SLC24A2: variants seen among roughly 807,000 people sequenced by gnomAD.
SLC24A2 encodes sodium/potassium/calcium exchanger 2.
In SLC24A2, 36 loss-of-function variants were observed where a neutral mutation model predicts 62.0. The ratio of observed to expected loss-of-function variants is 0.58; its 90% CI spans 0.44 to 0.77. The LOEUF (loss-of-function observed/expected upper bound fraction) is 0.77. SLC24A2 is among the 30% of genes least tolerant of loss of function. The probability of loss-of-function intolerance (pLI) is 0.00; values close to 1 mark genes in which losing one functional copy is unlikely to be tolerated. For missense variants in SLC24A2, 846 were observed against 817.9 expected (o/e 1.03, Z -0.42); for synonymous variants, 358 against 294.0 (o/e 1.22, Z -2.23).
intron 2 of SLC24A2, among the ~76,000 whole-genome samples, chr9:19,664,949 A>C (rs1819205868): frequency 6.6e-6 from 1 of 152,138 alleles, no homozygotes; most frequent in African/African-American, 2.4e-5. Context: ...TGTGGTTCTA[A>C]ACTGCCCGTT....
At chr9:20,042,693 T>C in the SLC24A2 span, among the ~76,000 whole-genome samples, 3 of 152,342 alleles carry the variant, frequency 2.0e-5, no homozygotes, top group African/African-American at 7.2e-5. Context: ...AGGTAGTGTG[T>C]TTTTTACAAA....
the SLC24A2 span, among the ~76,000 whole-genome samples, chr9:19,951,214 G>T: frequency 6.9e-6 from 1 of 144,708 alleles, no homozygotes; most frequent in South Asian, 2.3e-4. Context: ...TTGTATTGTT[G>T]TTTTTCTTAA....
chr9:20,268,844 T>C, the SLC24A2 span, among the ~76,000 whole-genome samples: 1 of 152,112 alleles, frequency 6.6e-6, no homozygotes, highest in Admixed American at 6.6e-5. Context: ...TGGCCCAAAA[T>C]AAATGGTATG....
At chr9:19,860,166 C>T in the SLC24A2 span, among the ~76,000 whole-genome samples, 39 of 152,220 alleles carry the variant, frequency 2.6e-4, 1 homozygote, top group Non-Finnish European at 5.0e-4. Flanking sequence ...AGTTGCACAG[C>T]TCATGGCTCA....
the SLC24A2 span, among the ~76,000 whole-genome samples, chr9:20,231,029 A>T: frequency 6.6e-6 from 1 of 152,160 alleles, no homozygotes; most frequent in African/African-American, 2.4e-5. Context: ...GGTTTGTCAA[A>T]GATCAGATAG....
At chr9:20,254,387 G>A in the SLC24A2 span, among the ~76,000 whole-genome samples, 1 of 152,194 alleles carries the variant, frequency 6.6e-6, no homozygotes, top group Non-Finnish European at 1.5e-5. Context: ...TGTGCTAGGA[G>A]CTGGGTACTG....
the SLC24A2 span, among the ~76,000 whole-genome samples, chr9:20,273,706 T>C: frequency 1.3e-5 from 2 of 152,174 alleles, no homozygotes; most frequent in South Asian, 2.1e-4. Flanking sequence ...CTTTTGTAAA[T>C]TGCCCAGTCT....
the SLC24A2 span, among the ~76,000 whole-genome samples, chr9:20,053,594 G>T: frequency 6.6e-6 from 1 of 152,058 alleles, no homozygotes; most frequent in African/African-American, 2.4e-5. Flanking sequence ...GGAGTCTTTG[G>T]GGATGATTAG....
the SLC24A2 span, among the ~76,000 whole-genome samples, chr9:20,270,960 T>C: frequency 6.6e-6 from 1 of 152,172 alleles, no homozygotes; most frequent in African/African-American, 2.4e-5. Context: ...TCCTTTTTTA[T>C]CTCCCTCCTT....
intron 2 of SLC24A2, among the ~76,000 whole-genome samples, chr9:19,726,070 G>A (rs530547579): frequency 6.6e-6 from 1 of 152,156 alleles, no homozygotes; most frequent in Non-Finnish European, 1.5e-5. Flanking sequence ...GCTCTAGCGA[G>A]GCCACATCCT....
chr9:19,847,605 C>T, the SLC24A2 span, among the ~76,000 whole-genome samples: 14 of 152,086 alleles, frequency 9.2e-5, no homozygotes, highest in African/African-American at 3.4e-4. Flanking sequence ...AAATGCATTA[C>T]CAATAAGTAG....
At chr9:19,561,435 A>C (rs1835394819) in intron 7 of SLC24A2, among the ~76,000 whole-genome samples, 3 of 78,944 alleles carry the variant, frequency 3.8e-5, no homozygotes, top group South Asian at 6.1e-4. Context: ...TGGAAAACAG[A>C]CTTTTTTTTT....
intron 7 of SLC24A2, among the ~76,000 whole-genome samples, chr9:19,561,752 A>G (rs1382191379): frequency 6.6e-6 from 1 of 151,450 alleles, no homozygotes; most frequent in East Asian, 2.0e-4. Flanking sequence ...CTTAAAAATG[A>G]TAAATCGTTG....
the SLC24A2 span, among the ~76,000 whole-genome samples, chr9:19,972,102 G>T: frequency 6.6e-6 from 1 of 152,032 alleles, no homozygotes; most frequent in Admixed American, 6.6e-5. Flanking sequence ...TGTTAGCTGG[G>T]TTGCTGATGG....
the SLC24A2 span, among the ~76,000 whole-genome samples, chr9:19,986,276 A>G: frequency 1.3e-5 from 2 of 152,120 alleles, no homozygotes; most frequent in African/African-American, 2.4e-5. Flanking sequence ...GAAAATAAGT[A>G]TAAGTGAAAA....
chr9:19,684,446 A>G (rs1465647721), intron 2 of SLC24A2, among the ~76,000 whole-genome samples: 1 of 152,072 alleles, frequency 6.6e-6, no homozygotes, highest in Non-Finnish European at 1.5e-5. Flanking sequence ...AGAGAGATGG[A>G]GTGCTTTTCC....
At chr9:20,100,169 G>A in the SLC24A2 span, among the ~76,000 whole-genome samples, 1 of 151,292 alleles carries the variant, frequency 6.6e-6, no homozygotes, top group East Asian at 2.0e-4. Flanking sequence ...ATGCCACTTG[G>A]CTAACTTTTT....
At chr9:20,044,164 A>T in the SLC24A2 span, among the ~76,000 whole-genome samples, 1 of 152,126 alleles carries the variant, frequency 6.6e-6, no homozygotes, top group Non-Finnish European at 1.5e-5. Context: ...ATTTTGAAAC[A>T]CAATGCAAAC....
chr9:19,986,991 T>C, the SLC24A2 span, among the ~76,000 whole-genome samples: 1 of 151,986 alleles, frequency 6.6e-6, no homozygotes, highest in Non-Finnish European at 1.5e-5. Context: ...TGAAAAATAA[T>C]GAGCTTGAAC....
Sources: allele counts gnomAD v4.1 joint callset (sites outside exome capture counted in the v4.1 genomes callset), GRCh38; gene constraint gnomAD v4.1.1; transcripts MANE v1.5; gene names NCBI Gene and HGNC (gene_info 2026-07-23, HGNC 2026-07-21).